Variants in ACADSB observed in about 807,000 individuals in gnomAD.
ACADSB encodes short/branched chain specific acyl-CoA dehydrogenase, mitochondrial.
In ACADSB, 40 loss-of-function variants were observed where a neutral mutation model predicts 54.1. The ratio of observed to expected loss-of-function variants is 0.74; its 90% CI spans 0.57 to 0.96. The LOEUF (loss-of-function observed/expected upper bound fraction) is 0.96. Among genes scored for constraint, ACADSB ranks in the 40% least tolerant of loss-of-function variants. The probability of loss-of-function intolerance (pLI) is 0.00; values close to 1 mark genes in which losing one functional copy is unlikely to be tolerated. For missense variants in ACADSB, 530 were observed against 510.4 expected (o/e 1.04, Z -0.37); for synonymous variants, 182 against 182.8 (o/e 1.00, Z 0.03).
At chr10:123,027,929 C>G (rs1254769761) in intron 1 of ACADSB, among the ~76,000 whole-genome samples, 1 of 152,164 alleles carries the variant, frequency 6.6e-6, no homozygotes. Flanking sequence ...ATGATCTGAC[C>G]AGATCCTGCC....
rs2133499686 is a variant in ACADSB, at chr10:123,055,888, G to A, written c.*2123G>A. On this transcript the variant is annotated 3_prime_UTR_variant, in exon 11 of 11. Coordinates refer to ENST00000358776, the MANE Select transcript of ACADSB (RefSeq NM_001609.4). ...ATCTCTAAGGCAAGGGAAAGATGCT[G>A]CCAGTCTCTTTGCTAAAACACAGCA... 1 of 152,322 alleles carries A rather than the reference G, an allele frequency of 6.6e-6. No individual in the cohort carries two copies. The highest frequency in any genetic ancestry group is 2.4e-5 in the African/African-American group (1 of 41,576). The allele number at this position is 152,322 out of a possible 1,614,324, so 9.4% of individuals were successfully genotyped here.
In ACADSB at chr10:123,058,156, G is replaced by A. The variant is rs1360124043; in HGVS notation, c.*4391G>A. Reference sequence around the variant, plus strand: ...ATGTACTAGTTATATCCTTGTTTATGTATTTTTGCTGATCTTTCATAAAGC... The same window carrying A: ...ATGTACTAGTTATATCCTTGTTTATATATTTTTGCTGATCTTTCATAAAGC... On this transcript the variant is annotated 3_prime_UTR_variant, in exon 11 of 11. Coordinates refer to ENST00000358776, the MANE Select transcript of ACADSB (RefSeq NM_001609.4). 1 of 152,102 alleles carries A rather than the reference G, an allele frequency of 6.6e-6. No individual in the cohort carries two copies. Among genetic ancestry groups the A allele is most frequent in the Non-Finnish European group, 1.5e-5 (1 of 68,016 alleles). 9.4% of individuals were successfully genotyped at this position (152,102 alleles called of 1,614,324 possible). A position where few individuals can be genotyped will look rare whatever the true frequency, so the allele number is the denominator to read the frequency against.
rs541906572 is a variant in ACADSB at position 123,009,027 on chromosome 10, AG to A, written c.-1del. The A allele has an allele frequency of 3.2e-6, 5 of 1,547,906 alleles. No homozygotes were observed. In the South Asian group the frequency reaches 4.8e-5, roughly 15 times the overall value. On this transcript the variant is annotated 5_prime_UTR_variant, in exon 1 of 11. Transcript: ENST00000358776. Reference sequence around the variant, plus strand: ...GCGCAGAGCGGAGAGGCCTGCGGCGAGGATGGAGGGCCTGGCAGTGCGGTTG... The same window carrying A: ...GCGCAGAGCGGAGAGGCCTGCGGCGAGATGGAGGGCCTGGCAGTGCGGTTG...
chr10:123,033,952 G>A (rs778974806), intron 1 of ACADSB, among the ~76,000 whole-genome samples: 4 of 152,172 alleles, frequency 2.6e-5, no homozygotes, highest in Non-Finnish European at 5.9e-5. Flanking sequence ...CCCACTCAGG[G>A]CAGGGAAGGG....
At chr10:123,025,561 T>C (rs906601692) in intron 1 of ACADSB, among the ~76,000 whole-genome samples, 3 of 152,204 alleles carry the variant, frequency 2.0e-5, no homozygotes, top group Admixed American at 1.3e-4. Context: ...ACAAACTGGC[T>C]TTTTTAAAAG....
intron 1 of ACADSB, among the ~76,000 whole-genome samples, chr10:123,013,024 C>G (rs1850058280): frequency 6.6e-6 from 1 of 152,156 alleles, no homozygotes; most frequent in East Asian, 1.9e-4. Flanking sequence ...AAACCCTGAA[C>G]TAGACACAGA....
rs1200448859 is a variant in ACADSB at position 123,034,377 on chromosome 10, T to G, written c.64T>G (p.Cys22Gly). The G allele has an allele frequency of 6.2e-7, 1 of 1,613,766 alleles. No homozygotes were observed. Among genetic ancestry groups the G allele is most frequent in the Non-Finnish European group, 8.5e-7 (1 of 1,180,014 alleles). ...ACAGCTAAGAAGAAATTTCCTGACT[T>G]GTTTGTCTTCTTGGAAGATTCCTCC... ...SRLLRRNFLT[C>G]LSSWKIPPHV... Residue 22 changes from cysteine to glycine, a missense_variant, in exon 2 of 11, where the codon TGT becomes GGT. Transcript: ENST00000358776.
chr10:123,022,258 G>A (rs1166012616), intron 1 of ACADSB, among the ~76,000 whole-genome samples: 1 of 152,184 alleles, frequency 6.6e-6, no homozygotes. Flanking sequence ...ACAGTTCATG[G>A]AGGGGAAGAG....
At chr10:123,013,566 G>A (rs534920654) in intron 1 of ACADSB, among the ~76,000 whole-genome samples, 198 of 152,362 alleles carry the variant, frequency 1.3e-3, no homozygotes, top group African/African-American at 4.6e-3. Context: ...GGCGCTCGTC[G>A]GGGAGGCTCA....
Position 123,034,455 on chromosome 10 carries a change from G to C in ACADSB, c.142G>C (p.Gly48Arg). Residue 48 changes from glycine (G) to arginine (R), a missense_variant, in exon 2 of 11, where the codon GGA becomes CGA. Coordinates refer to ENST00000358776, the MANE Select transcript of ACADSB (RefSeq NM_001609.4). The part of the protein sequence containing the change: ...SEALLNITNN[G>R]IHFAPLQTFT... Reference sequence around the variant, plus strand: ...AGCTCTACTCAATATAACAAATAATGGAATACACTTTGCTCCCCTGCAAAC... The same window carrying C: ...AGCTCTACTCAATATAACAAATAATCGAATACACTTTGCTCCCCTGCAAAC... 1 of 1,612,928 alleles carries C rather than the reference G, an allele frequency of 6.2e-7. No individual in the cohort carries two copies. Among genetic ancestry groups the C allele is most frequent in the Non-Finnish European group, 8.5e-7 (1 of 1,179,824 alleles).
chr10:123,031,136 A>C (rs901361251), intron 1 of ACADSB, among the ~76,000 whole-genome samples: 1 of 152,228 alleles, frequency 6.6e-6, no homozygotes, highest in African/African-American at 2.4e-5. Context: ...AGTATCTGTA[A>C]TTTCTTTTGA....
chr10:123,053,821 T>A lies in ACADSB; in HGVS notation c.*56T>A. 6.7e-7 allele frequency: 1 copy of A among 1,487,244 alleles called. No individual in the cohort carries two copies. Among genetic ancestry groups the A allele is most frequent in the Non-Finnish European group, 9.4e-7 (1 of 1,064,836 alleles). The allele number at this position is 1,487,244 out of a possible 1,614,324, so 92.1% of individuals were successfully genotyped here. ...TCACTGCTGTAAAATTTTAAACGGTTGTGTCTTGTTGGGAGTAAGTGCCTT... is the reference window on the plus strand; with the variant it reads ...TCACTGCTGTAAAATTTTAAACGGTAGTGTCTTGTTGGGAGTAAGTGCCTT... On this transcript the variant is annotated 3_prime_UTR_variant, in exon 11 of 11. Coordinates refer to ENST00000358776, the MANE Select transcript of ACADSB (RefSeq NM_001609.4).
chr10:123,042,969 T>C, intron 5 of ACADSB, 77 bp from the exon 6 acceptor site: 1 of 1,541,814 alleles, frequency 6.5e-7, no homozygotes. Context: ...TTTTTAGTTT[T>C]CTTTTTACTT....
intron 7 of ACADSB, among the ~76,000 whole-genome samples, chr10:123,046,481 A>G (rs1220649031): frequency 6.6e-6 from 1 of 152,196 alleles, no homozygotes; most frequent in Non-Finnish European, 1.5e-5. Context: ...GTGTAAATTA[A>G]TGTTTTTACT....
intron 5 of ACADSB, 50 bp from the exon 6 acceptor site, chr10:123,042,996 A>G: frequency 6.2e-7 from 1 of 1,601,646 alleles, no homozygotes. Context: ...TTCAGAAACA[A>G]GGCGTTTTAT....
chr10:123,046,303 C>G (rs1319625993), intron 7 of ACADSB, among the ~76,000 whole-genome samples: 1 of 152,110 alleles, frequency 6.6e-6, no homozygotes, highest in African/African-American at 2.4e-5. Flanking sequence ...GGGCATTTCC[C>G]CCAAAAGCTT....
At chr10:123,014,298 A>G (rs1160647374) in intron 1 of ACADSB, among the ~76,000 whole-genome samples, 3 of 152,190 alleles carry the variant, frequency 2.0e-5, no homozygotes, top group Non-Finnish European at 4.4e-5. Context: ...CTCATTATAA[A>G]TAATCAGTAA....
intron 3 of ACADSB, among the ~76,000 whole-genome samples, chr10:123,039,743 T>A: frequency 6.6e-6 from 1 of 152,150 alleles, no homozygotes; most frequent in Non-Finnish European, 1.5e-5. Flanking sequence ...CCTTATTACA[T>A]TGAAATCAGC....
chr10:123,044,370 T>C (rs1161977859), intron 6 of ACADSB, 23 bp from the exon 7 acceptor site: 11 of 1,547,902 alleles, frequency 7.1e-6, no homozygotes, highest in Non-Finnish European at 8.9e-6. Context: ...AACTGAGAAA[T>C]AAGTGCACAT....
Sources: gnomAD v4.1 joint callset for allele counts (sites outside exome capture counted in the v4.1 genomes callset) on GRCh38, gnomAD v4.1.1 for gene constraint, MANE v1.5 for transcripts, NCBI Gene and HGNC (gene_info 2026-07-23, HGNC 2026-07-21) for gene names.